Variants in GREM2 observed in about 807,000 individuals in gnomAD.
GREM2 encodes gremlin 2, DAN family BMP antagonist.
Under a neutral mutation model 14.2 loss-of-function variants are expected in GREM2, and 11 were observed. The observed-to-expected ratio is 0.78, with a 90% CI of 0.49 to 1.28. The LOEUF is 1.28. Among genes scored for constraint, GREM2 ranks in the 50% most tolerant of loss-of-function variants. The pLI, the probability that GREM2 is intolerant of heterozygous loss-of-function variation, is 0.00. For synonymous variants in GREM2, 98 were observed against 97.6 expected, an observed-to-expected ratio of 1.00 and a Z score of -0.02; for missense variants, 210 against 218.5, an observed-to-expected ratio of 0.96 and a Z score of 0.24.
chr1:240,578,926 A>G (rs1679425369), intron 1 of GREM2, among the ~76,000 whole-genome samples: 1 of 152,240 alleles, frequency 6.6e-6, no homozygotes, highest in Admixed American at 6.5e-5. Flanking sequence ...CAGGTGGGTC[A>G]GTGAATCTGA....
intron 1 of GREM2, among the ~76,000 whole-genome samples, chr1:240,511,922 C>T (rs1677842764): frequency 1.3e-5 from 2 of 152,200 alleles, no homozygotes; most frequent in East Asian, 1.9e-4. Flanking sequence ...CCCTCATACC[C>T]CAATAAGAAT....
intron 1 of GREM2, among the ~76,000 whole-genome samples, chr1:240,559,596 G>A (rs1159097427): frequency 2.0e-5 from 3 of 151,940 alleles, no homozygotes; most frequent in Non-Finnish European, 4.4e-5. Flanking sequence ...CACCCATCTC[G>A]GCCTCCCAAA....
intron 1 of GREM2, among the ~76,000 whole-genome samples, chr1:240,558,389 T>C (rs1028903692): frequency 1.4e-4 from 21 of 151,880 alleles, no homozygotes; most frequent in Non-Finnish European, 4.4e-5. Flanking sequence ...GAAAACAATT[T>C]TGATGAATTT....
intron 1 of GREM2, among the ~76,000 whole-genome samples, chr1:240,594,581 C>G (rs1478560266): frequency 6.6e-6 from 1 of 151,898 alleles, no homozygotes; most frequent in African/African-American, 2.4e-5. Flanking sequence ...GAGAAAGACC[C>G]AAGAAAAACC....
intron 1 of GREM2, among the ~76,000 whole-genome samples, chr1:240,541,494 C>T (rs1026477032): frequency 7.2e-5 from 11 of 152,204 alleles, no homozygotes; most frequent in African/African-American, 2.7e-4. Context: ...CCTGTACTTG[C>T]CATGTTCAAA....
At chr1:240,530,651 G>C (rs188456184) in intron 1 of GREM2, 1 of 152,078 alleles carries the variant, frequency 6.6e-6, no homozygotes, top group African/African-American at 2.4e-5. Context: ...TAGGACCATC[G>C]CAAATGAAAC....
intron 1 of GREM2, among the ~76,000 whole-genome samples, chr1:240,551,748 T>C (rs1678858910): frequency 6.6e-6 from 1 of 152,180 alleles, no homozygotes. Flanking sequence ...ATCTTCTGTT[T>C]ATTTTCTTTC....
intron 1 of GREM2, among the ~76,000 whole-genome samples, chr1:240,560,369 G>C (rs193119108): frequency 6.6e-6 from 1 of 152,084 alleles, no homozygotes; most frequent in African/African-American, 2.4e-5. Flanking sequence ...ATGACCTTGA[G>C]GACACCCAGA....
chr1:240,496,654 G>C (rs1034880096), intron 1 of GREM2, among the ~76,000 whole-genome samples: 1 of 152,200 alleles, frequency 6.6e-6, no homozygotes, highest in Non-Finnish European at 1.5e-5. Flanking sequence ...AGACCTGCCT[G>C]TTTTGTTCAT....
Position 240,509,223 on chromosome 1 carries a change from G to A in GREM2, c.-1-15747C>T, listed in dbSNP as rs145898409. Among the ~76,000 whole-genome samples the A allele has an allele frequency of 4.4e-4, 67 of 152,226 alleles. 1 individual carries two copies. Among genetic ancestry groups the A allele is most frequent in the African/African-American group, 1.4e-3 (57 of 41,544 alleles). On this transcript the variant is annotated intron_variant, in intron 1 of 1. Coordinates refer to ENST00000318160, the MANE Select transcript of GREM2 (RefSeq NM_022469.4). ...CTGTGCCTTCTGCAGCTCTATGGAG[G>A]GTCATGTTGAGAGAGGCCCCTGCAC...
At chr1:240,599,209 A>C (rs956132089) in intron 1 of GREM2, among the ~76,000 whole-genome samples, 2 of 151,270 alleles carry the variant, frequency 1.3e-5, no homozygotes, top group Admixed American at 1.3e-4. Flanking sequence ...TGGAGGTTCC[A>C]GTGAGCCAAG....
intron 1 of GREM2, among the ~76,000 whole-genome samples, chr1:240,571,065 GTATGTC>G (rs1176745925): frequency 6.6e-6 from 1 of 152,128 alleles, no homozygotes; most frequent in African/African-American, 2.4e-5. Context: ...AATTGAACTA[GTATGTC>G]TATAACATAA....
intron 1 of GREM2, among the ~76,000 whole-genome samples, chr1:240,570,480 C>T (rs1470379314): frequency 6.6e-6 from 1 of 151,954 alleles, no homozygotes; most frequent in Non-Finnish European, 1.5e-5. Flanking sequence ...ACAAAAAAAC[C>T]CACCAAATTA....
chr1:240,602,627 G>C (rs374231371), intron 1 of GREM2, among the ~76,000 whole-genome samples: 4 of 152,034 alleles, frequency 2.6e-5, no homozygotes, highest in African/African-American at 9.6e-5. Context: ...GACCATCCTG[G>C]CCAACATGGT....
chr1:240,586,246 T>C (rs957540013), intron 1 of GREM2, among the ~76,000 whole-genome samples: 4 of 152,210 alleles, frequency 2.6e-5, no homozygotes, highest in African/African-American at 9.6e-5. Context: ...AGAACTAGTA[T>C]GCTATTAATA....
At chr1:240,534,967 G>T (rs1678445310) in intron 1 of GREM2, among the ~76,000 whole-genome samples, 1 of 152,126 alleles carries the variant, frequency 6.6e-6, no homozygotes, top group Admixed American at 6.6e-5. Context: ...GAGAGGAAGG[G>T]AGAGATGATC....
chr1:240,565,782 G>A (rs1286735523), intron 1 of GREM2, among the ~76,000 whole-genome samples: 1 of 149,938 alleles, frequency 6.7e-6, no homozygotes, highest in Non-Finnish European at 1.5e-5. Context: ...GGAGGCAGAG[G>A]TTGGAGTGAG....
chr1:240,611,737 C>T (rs1476129482), intron 1 of GREM2, 147 bp downstream of exon 1: 1 of 152,618 alleles, frequency 6.6e-6, no homozygotes, highest in Non-Finnish European at 1.5e-5. Context: ...GCTTGAATTA[C>T]CCGGGGTGAA....
rs1677287258 is a variant in GREM2, at chr1:240,492,734, C to T, written c.*235G>A. 6.0e-6 allele frequency: 2 copies of T among 335,074 alleles called. No individual in the cohort carries two copies. Among genetic ancestry groups the T allele is most frequent in the Non-Finnish European group, 1.1e-5 (2 of 189,570 alleles). The allele number at this position is 335,074 out of a possible 1,614,324, so 20.8% of individuals were successfully genotyped here. A position where few individuals can be genotyped will look rare whatever the true frequency, so the allele number is the denominator to read the frequency against. Reference sequence around the variant, plus strand: ...GCATTTTCCTTCGGGCCTGATCCACCGCCTGGTTTAGGGGGCACAGGTGGG... The same window carrying T: ...GCATTTTCCTTCGGGCCTGATCCACTGCCTGGTTTAGGGGGCACAGGTGGG... On this transcript the variant is annotated 3_prime_UTR_variant, in exon 2 of 2. Transcript: ENST00000318160.
Sources: allele counts gnomAD v4.1 joint callset (sites outside exome capture counted in the v4.1 genomes callset), GRCh38; gene constraint gnomAD v4.1.1; transcripts MANE v1.5; gene names NCBI Gene and HGNC (gene_info 2026-07-23, HGNC 2026-07-21).